ENOX1: variants seen among roughly 807,000 people sequenced by gnomAD.
ENOX1 encodes candidate growth-related and time keeping constitutive hydroquinone (NADH) oxidase.
In ENOX1, 42 loss-of-function variants were observed where a neutral mutation model predicts 82.5. The observed-to-expected ratio is 0.51, with a 90% CI of 0.40 to 0.66. The LOEUF is 0.66. ENOX1 is among the 30% of genes least tolerant of loss of function. ENOX1 has a pLI of 0.00. For missense variants in ENOX1, 608 were observed against 811.6 expected, an observed-to-expected ratio of 0.75 and a Z score of 3.05; for synonymous variants, 271 against 282.2, an observed-to-expected ratio of 0.96 and a Z score of 0.40.
chr13:43,759,036 G>A (rs762336390), intron 1 of ENOX1, among the ~76,000 whole-genome samples: 24 of 151,476 alleles, frequency 1.6e-4, no homozygotes, highest in Non-Finnish European at 3.2e-4. Context: ...CTTACAAACA[G>A]CTAGAGAATG....
At chr13:43,525,707 A>T (rs563873802) in intron 2 of ENOX1, among the ~76,000 whole-genome samples, 36 of 151,856 alleles carry the variant, frequency 2.4e-4, no homozygotes, top group Non-Finnish European at 5.2e-4. Flanking sequence ...TGTGGTTTTG[A>T]TTTGCATTTC....
intron 2 of ENOX1, among the ~76,000 whole-genome samples, chr13:43,616,204 A>ATATATATATATATATATATATTTT (rs1457149422): frequency 1.3e-4 from 2 of 15,318 alleles, no homozygotes; most frequent in Non-Finnish European, 4.2e-4. Context: ...ATATATATAT[A>ATATATATATATATATATATATTTT]TTTTTTTTTT....
At chr13:43,718,218 T>C (rs1213689852) in intron 1 of ENOX1, among the ~76,000 whole-genome samples, 1 of 66,316 alleles carries the variant, frequency 1.5e-5, no homozygotes, top group Admixed American at 1.7e-4. Context: ...AGTGAAATAA[T>C]GTCCTTTGTA....
intron 15 of ENOX1, among the ~76,000 whole-genome samples, chr13:43,225,261 G>T (rs1380480176): frequency 6.6e-6 from 1 of 152,172 alleles, no homozygotes; most frequent in African/African-American, 2.4e-5. Flanking sequence ...GGGACTGCTA[G>T]AGGCGGGAGA....
chr13:43,311,443 C>T (rs936179075), intron 11 of ENOX1, among the ~76,000 whole-genome samples: 9 of 151,938 alleles, frequency 5.9e-5, no homozygotes, highest in Admixed American at 3.9e-4. Context: ...ATTTCCTATC[C>T]ATTCATTTAA....
chr13:43,372,464 A>C (rs1488828057), intron 5 of ENOX1, among the ~76,000 whole-genome samples: 1 of 152,200 alleles, frequency 6.6e-6, no homozygotes, highest in African/African-American at 2.4e-5. Flanking sequence ...CAGTAGGGTA[A>C]GTATGGTCTC....
At chr13:43,682,198 C>T (rs1472507930) in intron 1 of ENOX1, among the ~76,000 whole-genome samples, 1 of 152,138 alleles carries the variant, frequency 6.6e-6, no homozygotes, top group East Asian at 1.9e-4. Context: ...TTTGCTTATA[C>T]TCTCCCCATT....
chr13:43,331,080 A>G (rs1439874543), intron 9 of ENOX1, among the ~76,000 whole-genome samples: 1 of 152,202 alleles, frequency 6.6e-6, no homozygotes. Context: ...ATCCAGGAAC[A>G]GACCACACTG....
At chr13:43,502,180 T>C (rs182330580) in intron 2 of ENOX1, among the ~76,000 whole-genome samples, 39 of 151,576 alleles carry the variant, frequency 2.6e-4, no homozygotes, top group African/African-American at 9.4e-4. Context: ...CATGAAGAAA[T>C]AGAAAGCCTA....
chr13:43,726,718 TTGTGTGTGTGTGTGTGTG>T (rs55918525), intron 1 of ENOX1, among the ~76,000 whole-genome samples: 14,154 of 144,752 alleles, frequency 0.098, 1,092 homozygotes, highest in East Asian at 0.28. Context: ...GCATTGACTT[TTGTGTGTGTGTGTGTGTG>T]TGTGTGTGTG....
At chr13:43,637,912 C>A (rs2083474534) in intron 2 of ENOX1, among the ~76,000 whole-genome samples, 1 of 152,062 alleles carries the variant, frequency 6.6e-6, no homozygotes, top group South Asian at 2.1e-4. Context: ...CCTCATCCGG[C>A]AATAGGAAAG....
At chr13:43,702,008 A>G (rs1180078641) in intron 1 of ENOX1, among the ~76,000 whole-genome samples, 1 of 152,104 alleles carries the variant, frequency 6.6e-6, no homozygotes, top group Non-Finnish European at 1.5e-5. Flanking sequence ...CCTCCATCCT[A>G]TCCCTATCCC....
intron 2 of ENOX1, among the ~76,000 whole-genome samples, chr13:43,518,663 C>T (rs192905787): frequency 3.9e-5 from 6 of 152,192 alleles, no homozygotes; most frequent in African/African-American, 1.4e-4. Flanking sequence ...ATCTTAAACT[C>T]CATTTAACCA....
intron 2 of ENOX1, among the ~76,000 whole-genome samples, chr13:43,572,582 A>G (rs1450521286): frequency 1.3e-5 from 2 of 152,206 alleles, no homozygotes; most frequent in Non-Finnish European, 2.9e-5. Flanking sequence ...TGGAAAAAGC[A>G]ATTTTTGTCT....
At chr13:43,247,581 C>T (rs541201224) in intron 14 of ENOX1, among the ~76,000 whole-genome samples, 3 of 151,442 alleles carry the variant, frequency 2.0e-5, no homozygotes, top group Admixed American at 6.6e-5. Context: ...TGAAGAGAAA[C>T]AGCTATTTTT....
chr13:43,287,412 G>A (rs2045758964), intron 12 of ENOX1, among the ~76,000 whole-genome samples: 1 of 152,160 alleles, frequency 6.6e-6, no homozygotes, highest in African/African-American at 2.4e-5. Context: ...ATGTCCTCAC[G>A]TACATGATCA....
chr13:43,288,739 T>C (rs1213573553), intron 12 of ENOX1, among the ~76,000 whole-genome samples: 1 of 152,208 alleles, frequency 6.6e-6, no homozygotes, highest in Non-Finnish European at 1.5e-5. Flanking sequence ...TTGAGGCTCA[T>C]GAACTCTACT....
chr13:43,702,945 C>T (rs1196419026), intron 1 of ENOX1, among the ~76,000 whole-genome samples: 2 of 81,106 alleles, frequency 2.5e-5, no homozygotes, highest in African/African-American at 9.4e-5. Context: ...AAGAGTGAGA[C>T]TCTGTCTCAA....
chr13:43,764,662 C>G (rs556593827), intron 1 of ENOX1, among the ~76,000 whole-genome samples: 54 of 152,026 alleles, frequency 3.6e-4, no homozygotes, highest in Admixed American at 1.8e-3. Flanking sequence ...TTCTTTACAC[C>G]ACATACAGTG....
Sources: allele counts gnomAD v4.1 joint callset (sites outside exome capture counted in the v4.1 genomes callset), GRCh38; gene constraint gnomAD v4.1.1; transcripts MANE v1.5; gene names NCBI Gene and HGNC (gene_info 2026-07-23, HGNC 2026-07-21).